IGSF3: variants seen among roughly 807,000 people sequenced by gnomAD.
The protein encoded by IGSF3 is glu-Trp-Ile EWI motif-containing protein 3.
A neutral mutation model predicts 114.4 loss-of-function variants in IGSF3; 23 were observed. That is an observed-to-expected ratio of 0.20 (90% CI 0.14 to 0.28). IGSF3 has a LOEUF of 0.28. Among genes scored for constraint, IGSF3 ranks in the 10% least tolerant of loss-of-function variants. IGSF3 has a pLI of 1.00. For synonymous variants in IGSF3, 571 were observed against 645.2 expected (o/e 0.88, Z 1.74); for missense variants, 1,172 against 1,591.5 (o/e 0.74, Z 4.48).
Position 116,593,341 on chromosome 1 carries a change from T to C in IGSF3, c.2030-4237A>G, listed in dbSNP as rs529735766. ...TCTGGAGAAGGTGGTTTCTGTGCAG[T>C]GCTGTGAGCAGCAGCCAGAGTGGCA... On this transcript the variant is annotated intron_variant, in intron 7 of 10. Coordinates refer to ENST00000369486, the MANE Select transcript of IGSF3 (RefSeq NM_001007237.3). This position sits in a 1 kb window ranked among gnomAD's most constrained non-coding sequence, Gnocchi z 4.5. Among the ~76,000 whole-genome samples, 1 of 152,330 alleles carries C rather than the reference T, an allele frequency of 6.6e-6. No individual in the cohort carries two copies. Among genetic ancestry groups the C allele is most frequent in the East Asian group, 1.9e-4 (1 of 5,186 alleles).
At chr1:116,659,573 C>T (rs926110419) in intron 2 of IGSF3, among the ~76,000 whole-genome samples, 1 of 152,188 alleles carries the variant, frequency 6.6e-6, no homozygotes, top group Non-Finnish European at 1.5e-5. Flanking sequence ...AAGCAGGTGT[C>T]CACTCATGGC....
At position 116,662,485 on chromosome 1, in the gene IGSF3, C is replaced by T. The variant is rs573510068; in HGVS notation, c.43+3799G>A. Reference sequence around the variant, plus strand: ...AAGACTGATTGATATAGTTGGGTCACAGTAAGGGCTAGAGTTAGGAGAGCT... The same window carrying T: ...AAGACTGATTGATATAGTTGGGTCATAGTAAGGGCTAGAGTTAGGAGAGCT... On this transcript the variant is annotated intron_variant, in intron 2 of 10. Transcript: ENST00000369486. The surrounding 1 kb of genome is among the most constrained non-coding windows in gnomAD (Gnocchi z 4.3). Among the ~76,000 whole-genome samples, 11 of 152,262 alleles carry T rather than the reference C, an allele frequency of 7.2e-5. No individual in the cohort carries two copies. The East Asian group carries it at 2.1e-3, about 29-fold the overall frequency.
chr1:116,587,241 T>C (rs1031587272), intron 8 of IGSF3, among the ~76,000 whole-genome samples: 5 of 152,160 alleles, frequency 3.3e-5, no homozygotes, highest in Non-Finnish European at 1.5e-5. Flanking sequence ...TATTCTAGTA[T>C]AAAAATAATA....
At position 116,588,880 on chromosome 1, in the gene IGSF3, C is replaced by T; in HGVS notation, c.2254G>A (p.Ala752Thr). 16 of 1,614,180 alleles carry T rather than the reference C, an allele frequency of 9.9e-6. No homozygotes were observed. Among genetic ancestry groups the T allele is most frequent in the Non-Finnish European group, 1.4e-5 (16 of 1,180,016 alleles). The change falls in exon 8 of 11, where the codon GCC becomes ACC. Residue 752 changes from alanine to threonine, a missense_variant. Ala to Thr is a moderately conservative substitution (Grantham distance 58). Transcript: ENST00000369486. The surrounding 1 kb of genome is among the most constrained non-coding windows in gnomAD (Gnocchi z 4.9). Reference protein sequence around the residue: ...GTYAEEEGLRARLQFERHVSG... With the variant: ...GTYAEEEGLRTRLQFERHVSG... ...ACATGCCTCTCAAACTGGAGCCTGG[C>T]TCTCAGGCCCTCCTCCTCGGCGTAA...
At chr1:116,619,831 A>G (rs956942310) in intron 2 of IGSF3, among the ~76,000 whole-genome samples, 5 of 152,208 alleles carry the variant, frequency 3.3e-5, no homozygotes, top group Non-Finnish European at 7.3e-5. Flanking sequence ...TTACTCTGCA[A>G]TAAGCAAATA....
At position 116,612,137 on chromosome 1, in the gene IGSF3, T is replaced by C. The variant is rs538069470; in HGVS notation, c.832+1628A>G. ...GATTAAAATAAAGAAGATTAACTGA[T>C]GCAACCTAATTTAAAAGCATTAAGA... On this transcript the variant is annotated intron_variant, in intron 4 of 10. Transcript: ENST00000369486. This position sits in a 1 kb window ranked among gnomAD's most constrained non-coding sequence, Gnocchi z 4.1. 6.6e-5 allele frequency among the ~76,000 whole-genome samples: 10 copies of C among 151,734 alleles called. No homozygotes were observed. The South Asian group carries it at 2.1e-3, about 31-fold the overall frequency.
intron 2 of IGSF3, among the ~76,000 whole-genome samples, chr1:116,646,195 C>T (rs965431823): frequency 6.6e-6 from 1 of 152,214 alleles, no homozygotes; most frequent in African/African-American, 2.4e-5. Context: ...TTTGTTTCTG[C>T]ACCGTGTGAA....
intron 2 of IGSF3, among the ~76,000 whole-genome samples, chr1:116,623,992 C>A (rs1401578204): frequency 1.3e-5 from 2 of 151,056 alleles, no homozygotes; most frequent in Non-Finnish European, 1.5e-5. Context: ...GAGGCTGAGG[C>A]AGGAGAATCG....
At chr1:116,639,721 G>A (rs1452578058) in intron 2 of IGSF3, among the ~76,000 whole-genome samples, 1 of 152,196 alleles carries the variant, frequency 6.6e-6, no homozygotes, top group African/African-American at 2.4e-5. Context: ...CTGGCCTCTA[G>A]GAATCCATTA....
chr1:116,663,597 C>T (rs191495943), intron 2 of IGSF3, among the ~76,000 whole-genome samples: 1 of 151,914 alleles, frequency 6.6e-6, no homozygotes, highest in East Asian at 2.0e-4. Flanking sequence ...GGTACAAAGA[C>T]AAAGGGTAGG....
In IGSF3 at chr1:116,579,038, G is replaced by A. The variant is rs962875335; in HGVS notation, c.3334+354C>T. ...TCCCTTTCCCTTGTGAGTCTGAAAC[G>A]CTTGCTAATTCGCTAAAGACTAGTT... On this transcript the variant is annotated intron_variant, in intron 10 of 10. Coordinates refer to ENST00000369486, the MANE Select transcript of IGSF3 (RefSeq NM_001007237.3). This position sits in a 1 kb window ranked among gnomAD's most constrained non-coding sequence, Gnocchi z 6.4. Among the ~76,000 whole-genome samples, 1 of 152,152 alleles carries A rather than the reference G, an allele frequency of 6.6e-6. No individual in the cohort carries two copies. The highest frequency in any genetic ancestry group is 1.5e-5 in the Non-Finnish European group (1 of 68,038).
In IGSF3 at chr1:116,582,139, C is replaced by T. The variant is rs946648515; in HGVS notation, c.2849-2262G>A. Among the ~76,000 whole-genome samples the T allele has an allele frequency of 1.3e-5, 2 of 152,172 alleles. No homozygotes were observed. The highest frequency in any genetic ancestry group is 1.9e-4 in the East Asian group (1 of 5,198). On this transcript the variant is annotated intron_variant, in intron 9 of 10. Coordinates refer to ENST00000369486, the MANE Select transcript of IGSF3 (RefSeq NM_001007237.3). The surrounding 1 kb of genome is among the most constrained non-coding windows in gnomAD (Gnocchi z 4.7). ...CATAAATGACTCAATACAAGTTTTT[C>T]GACAGAAATTAATTTCCACCTTCCC...
In IGSF3 at chr1:116,627,348, G is replaced by A. The variant is rs1647336716; in HGVS notation, c.44-10891C>T. On this transcript the variant is annotated intron_variant, in intron 2 of 10. Transcript: ENST00000369486. The surrounding 1 kb of genome is among the most constrained non-coding windows in gnomAD (Gnocchi z 4.7). ...GACCTAGGATACCCCAGTTTCTCCA[G>A]ACTCTCAGTCTGGTCCCCAGATTTT... is the stretch of plus-strand genomic sequence containing the variant. Among the ~76,000 whole-genome samples the A allele has an allele frequency of 6.6e-6, 1 of 152,202 alleles. No individual in the cohort carries two copies. Among genetic ancestry groups the A allele is most frequent in the Non-Finnish European group, 1.5e-5 (1 of 68,034 alleles).
intron 7 of IGSF3, among the ~76,000 whole-genome samples, chr1:116,591,037 T>TGCC (rs1252678301): frequency 1.3e-5 from 2 of 150,324 alleles, no homozygotes; most frequent in East Asian, 3.9e-4. Flanking sequence ...AAATCCTGTG[T>TGCC]GCCACGGCCC....
intron 2 of IGSF3, among the ~76,000 whole-genome samples, chr1:116,640,806 A>ATT (rs1648056346): frequency 6.6e-6 from 1 of 152,246 alleles, no homozygotes; most frequent in Admixed American, 6.5e-5. Context: ...ATTGCTCTGC[A>ATT]ACATCAGTGC....
At chr1:116,619,016 AT>A (rs996070923) in intron 2 of IGSF3, among the ~76,000 whole-genome samples, 4 of 151,622 alleles carry the variant, frequency 2.6e-5, no homozygotes, top group Admixed American at 1.3e-4. Flanking sequence ...ATTAATTAGG[AT>A]TTTTTTTTGA....
chr1:116,666,651 G>A lies in IGSF3; in HGVS notation c.-325C>T. ...AGTGGATTAATCCTCCAGAAGCACGGAAAAAAGGGTCTGAGAAAATCCTTT... is the reference window on the plus strand; with the variant it reads ...AGTGGATTAATCCTCCAGAAGCACGAAAAAAAGGGTCTGAGAAAATCCTTT... On this transcript the variant is annotated 5_prime_UTR_variant, in exon 2 of 11. Transcript: ENST00000369486. The A allele has an allele frequency of 1.4e-5, 8 of 558,830 alleles. No individual in the cohort carries two copies. The highest frequency in any genetic ancestry group is 7.6e-5 in the African/African-American group (4 of 52,908). The allele number at this position is 558,830 out of a possible 1,614,324, so 34.6% of individuals were successfully genotyped here.
Position 116,585,942 on chromosome 1 carries a change from G to T in IGSF3, c.2441-890C>A, listed in dbSNP as rs553127772. On this transcript the variant is annotated intron_variant, in intron 8 of 10. Coordinates refer to ENST00000369486, the MANE Select transcript of IGSF3 (RefSeq NM_001007237.3). This position sits in a 1 kb window ranked among gnomAD's most constrained non-coding sequence, Gnocchi z 4.9. ...AAAAGATTGCTACTGATGGAACTGGGTGCTTTGAAAACTCAGCCAAGCAGA... is the reference window on the plus strand; with the variant it reads ...AAAAGATTGCTACTGATGGAACTGGTTGCTTTGAAAACTCAGCCAAGCAGA... Among the ~76,000 whole-genome samples the T allele has an allele frequency of 6.6e-6, 1 of 152,318 alleles. No individual in the cohort carries two copies. Among genetic ancestry groups the T allele is most frequent in the Admixed American group, 6.5e-5 (1 of 15,304 alleles).
Position 116,616,883 on chromosome 1 carries a change from T to G in IGSF3, c.44-426A>C, listed in dbSNP as rs1383251049. The stretch of plus-strand genomic sequence containing the variant: ...AACCATCTAGAAATCTGGCTGAAAT[T>G]AAATGCTTCTTCCTTGGTCTGAGCG... On this transcript the variant is annotated intron_variant, in intron 2 of 10. Transcript: ENST00000369486. This position sits in a 1 kb window ranked among gnomAD's most constrained non-coding sequence, Gnocchi z 6.6. Among the ~76,000 whole-genome samples the G allele has an allele frequency of 6.6e-6, 1 of 152,210 alleles. No homozygotes were observed. The highest frequency in any genetic ancestry group is 1.5e-5 in the Non-Finnish European group (1 of 68,026).
Sources: allele counts gnomAD v4.1 joint callset (sites outside exome capture counted in the v4.1 genomes callset), GRCh38; gene constraint gnomAD v4.1.1; non-coding constraint Gnocchi (gnomAD v3.1); transcripts MANE v1.5; gene names NCBI Gene and HGNC (gene_info 2026-07-23, HGNC 2026-07-21).